SPOCK3: variants seen among roughly 807,000 people sequenced by gnomAD.
SPOCK3 encodes SPARC (osteonectin), cwcv and kazal like domains proteoglycan 3, also known as testican-3.
A neutral mutation model predicts 56.6 loss-of-function variants in SPOCK3; 30 were observed. The ratio of observed to expected loss-of-function variants is 0.53; its 90% confidence interval spans 0.40 to 0.72. The LOEUF (loss-of-function observed/expected upper bound fraction) is 0.72, where lower values mean the gene tolerates loss of function less well. Among genes scored for constraint, SPOCK3 ranks in the 30% least tolerant of loss-of-function variants. The probability of loss-of-function intolerance (pLI) is 0.00; values close to 1 mark genes in which losing one functional copy is unlikely to be tolerated. For missense variants in SPOCK3, 527 were observed against 530.0 expected (o/e 0.99, Z 0.06); for synonymous variants, 196 against 183.3 (o/e 1.07, Z -0.56).
chr4:167,077,160 A>G (rs1316539414), intron 2 of SPOCK3, among the ~76,000 whole-genome samples: 20 of 151,902 alleles, frequency 1.3e-4, no homozygotes. Context: ...CATCTAAAAT[A>G]ATGGGATTCC....
chr4:167,012,307 G>GA (rs144498183), intron 3 of SPOCK3, among the ~76,000 whole-genome samples: 9,029 of 151,478 alleles, frequency 0.06, 302 homozygotes, highest in South Asian at 0.065. Flanking sequence ...ATATGAGCTG[G>GA]AAAAAAAAGT....
chr4:166,831,954 T>C (rs1212929773), intron 6 of SPOCK3, among the ~76,000 whole-genome samples: 2 of 151,942 alleles, frequency 1.3e-5, no homozygotes, highest in South Asian at 2.1e-4. Flanking sequence ...GTTTTTTGCT[T>C]GTCAAGTTCC....
chr4:167,058,802 G>C (rs950238380), intron 3 of SPOCK3, among the ~76,000 whole-genome samples: 22 of 152,176 alleles, frequency 1.4e-4, no homozygotes, highest in African/African-American at 4.8e-4. Context: ...CCAAAACAGA[G>C]ATATAGATCA....
intron 2 of SPOCK3, among the ~76,000 whole-genome samples, chr4:167,151,819 AAAT>A (rs1342596337): frequency 6.6e-6 from 1 of 152,174 alleles, no homozygotes; most frequent in East Asian, 1.9e-4. Flanking sequence ...ATAAAATCTT[AAAT>A]ATCTTTCCTC....
intron 4 of SPOCK3, among the ~76,000 whole-genome samples, chr4:166,925,062 G>A (rs1462826943): frequency 6.6e-6 from 1 of 152,058 alleles, no homozygotes; most frequent in Non-Finnish European, 1.5e-5. Flanking sequence ...TATATAGAGA[G>A]ATAAATATCT....
chr4:167,166,833 G>A lies in SPOCK3; in HGVS notation c.189+67152C>T, dbSNP rs199623680. Reference sequence around the variant, plus strand: ...CCTTTTTGTATCATGATTCTGTAGCGGAATAAAATATTAAGCCAAACTATT... The same window carrying A: ...CCTTTTTGTATCATGATTCTGTAGCAGAATAAAATATTAAGCCAAACTATT... On this transcript the variant is annotated intron_variant, in intron 2 of 10. Coordinates refer to ENST00000357545, the MANE Select transcript of SPOCK3 (RefSeq NM_001040159.2). Among the ~76,000 whole-genome samples the A allele has an allele frequency of 1.4e-4, 21 of 152,038 alleles. No homozygotes were observed. The East Asian group carries it at 1.9e-3, about 14-fold the overall frequency.
intron 2 of SPOCK3, among the ~76,000 whole-genome samples, chr4:167,129,585 T>C (rs972663292): frequency 6.6e-6 from 1 of 152,168 alleles, no homozygotes; most frequent in Non-Finnish European, 1.5e-5. Context: ...TTTTCAGATA[T>C]AATATTTCTT....
chr4:167,108,885 T>C (rs1266956153), intron 2 of SPOCK3, among the ~76,000 whole-genome samples: 1 of 143,424 alleles, frequency 7.0e-6, no homozygotes, highest in Non-Finnish European at 1.5e-5. Context: ...ATTATTTTAC[T>C]TTGCATTTCT....
chr4:167,056,974 C>G (rs904269037), intron 3 of SPOCK3, among the ~76,000 whole-genome samples: 5 of 151,986 alleles, frequency 3.3e-5, no homozygotes, highest in African/African-American at 1.2e-4. Context: ...AACTCCAAGT[C>G]ACATAATTGT....
intron 5 of SPOCK3, among the ~76,000 whole-genome samples, chr4:166,889,629 T>A (rs971768078): frequency 6.6e-6 from 1 of 152,018 alleles, no homozygotes. Flanking sequence ...GGTTTTTGGT[T>A]ACTTAAGTAA....
At chr4:166,793,282 T>A (rs889134479) in intron 6 of SPOCK3, among the ~76,000 whole-genome samples, 7 of 152,112 alleles carry the variant, frequency 4.6e-5, no homozygotes, top group African/African-American at 1.7e-4. Context: ...ATATGTATCA[T>A]AAATAACATA....
chr4:167,007,143 C>T (rs1029193396), intron 3 of SPOCK3, among the ~76,000 whole-genome samples: 1 of 152,066 alleles, frequency 6.6e-6, no homozygotes, highest in African/African-American at 2.4e-5. Context: ...TAATGGAGCT[C>T]AAGGAAACAT....
At chr4:166,846,804 T>C (rs1748105856) in intron 6 of SPOCK3, among the ~76,000 whole-genome samples, 1 of 152,142 alleles carries the variant, frequency 6.6e-6, no homozygotes. Context: ...TAACAGAATA[T>C]TGTAGTCTTT....
intron 4 of SPOCK3, among the ~76,000 whole-genome samples, chr4:166,939,233 C>A (rs1292855213): frequency 6.6e-6 from 1 of 151,982 alleles, no homozygotes; most frequent in Non-Finnish European, 1.5e-5. Flanking sequence ...AAATAGATTG[C>A]AAAAACTTAC....
At chr4:167,212,558 C>T (rs1734985130) in intron 2 of SPOCK3, among the ~76,000 whole-genome samples, 1 of 152,022 alleles carries the variant, frequency 6.6e-6, no homozygotes, top group Non-Finnish European at 1.5e-5. Context: ...TATTCTTATA[C>T]CTCTGAATAT....
intron 6 of SPOCK3, among the ~76,000 whole-genome samples, chr4:166,859,553 T>A (rs902267578): frequency 1.3e-5 from 2 of 152,102 alleles, no homozygotes; most frequent in African/African-American, 2.4e-5. Flanking sequence ...CAGTGACTAT[T>A]TTTAGTGCCA....
intron 6 of SPOCK3, among the ~76,000 whole-genome samples, chr4:166,826,040 A>C (rs1252784568): frequency 6.6e-6 from 1 of 152,036 alleles, no homozygotes; most frequent in Admixed American, 6.6e-5. Flanking sequence ...AAAACTATTA[A>C]ATTTTTTAAG....
chr4:167,136,081 C>A (rs1763096743), intron 2 of SPOCK3, among the ~76,000 whole-genome samples: 1 of 151,958 alleles, frequency 6.6e-6, no homozygotes. Flanking sequence ...GTGTGAACTC[C>A]AAGACAAGCA....
At chr4:167,083,127 A>C (rs535815176) in intron 2 of SPOCK3, 2 of 761,422 alleles carry the variant, frequency 2.6e-6, no homozygotes, top group Non-Finnish European at 4.8e-6. Context: ...TTCTTAACTA[A>C]TTACAGCTTT....
Sources: gnomAD v4.1 joint callset for allele counts (sites outside exome capture counted in the v4.1 genomes callset) on GRCh38, gnomAD v4.1.1 for gene constraint, MANE v1.5 for transcripts, NCBI Gene and HGNC (gene_info 2026-07-23, HGNC 2026-07-21) for gene names.